The following ST3GAL1 variants were observed in gnomAD, a reference collection of about 807,000 sequenced individuals.
ST3GAL1 encodes CMP-N-acetylneuraminate-beta-galactosamide-alpha-2,3-sialyltransferase 1.
In ST3GAL1, 16 loss-of-function variants were observed where a neutral mutation model predicts 34.1. That is an observed-to-expected ratio of 0.47 (90% confidence interval 0.32 to 0.71). ST3GAL1 has a LOEUF of 0.71. Among genes scored for constraint, ST3GAL1 ranks in the 30% least tolerant of loss-of-function variants. ST3GAL1 has a pLI of 0.04. For missense variants in ST3GAL1, 353 were observed against 447.4 expected (o/e 0.79, Z 1.90); for synonymous variants, 191 against 184.7 (o/e 1.03, Z -0.28).
At chr8:133,477,377 A>G (rs1816219149) in intron 3 of ST3GAL1, among the ~76,000 whole-genome samples, 1 of 152,236 alleles carries the variant, frequency 6.6e-6, no homozygotes. Flanking sequence ...CTCTTCAGAT[A>G]ATCCTCAGAA....
At chr8:133,462,239 G>A (rs542807894) in intron 8 of ST3GAL1, among the ~76,000 whole-genome samples, 6 of 152,274 alleles carry the variant, frequency 3.9e-5, no homozygotes, top group South Asian at 2.1e-4. Flanking sequence ...CTACAGGACC[G>A]TGTGAGGAGG....
intron 2 of ST3GAL1, among the ~76,000 whole-genome samples, chr8:133,517,036 C>T (rs1191762239): frequency 6.6e-6 from 1 of 152,254 alleles, no homozygotes; most frequent in Non-Finnish European, 1.5e-5. Flanking sequence ...AGCTTCCTGC[C>T]CACTGGCATA....
intron 1 of ST3GAL1, among the ~76,000 whole-genome samples, chr8:133,553,632 G>T (rs1352301908): frequency 6.6e-6 from 1 of 152,164 alleles, no homozygotes; most frequent in African/African-American, 2.4e-5. Context: ...ATGTACACAG[G>T]AGCTCAGAAC....
intron 1 of ST3GAL1, among the ~76,000 whole-genome samples, chr8:133,563,365 C>T (rs1372354287): frequency 6.6e-6 from 1 of 152,088 alleles, no homozygotes; most frequent in Non-Finnish European, 1.5e-5. Flanking sequence ...TTTTATACTC[C>T]ATTAAGGGCT....
chr8:133,474,597 G>A (rs1189326641), intron 5 of ST3GAL1, among the ~76,000 whole-genome samples: 2 of 152,032 alleles, frequency 1.3e-5, no homozygotes, highest in Non-Finnish European at 1.5e-5. Flanking sequence ...TCGTCTCACT[G>A]CACCTCCCCT....
chr8:133,487,088 T>A (rs1035472179), intron 3 of ST3GAL1, among the ~76,000 whole-genome samples: 1 of 152,146 alleles, frequency 6.6e-6, no homozygotes, highest in Admixed American at 6.5e-5. Flanking sequence ...GGACTACAGA[T>A]GTGCACCATG....
At chr8:133,510,262 C>G (rs1032067091) in intron 2 of ST3GAL1, among the ~76,000 whole-genome samples, 2 of 152,138 alleles carry the variant, frequency 1.3e-5, no homozygotes, top group Non-Finnish European at 2.9e-5. Context: ...TGAACACCAG[C>G]TCCACTTCCC....
chr8:133,564,543 C>A (rs1819336648), intron 1 of ST3GAL1, among the ~76,000 whole-genome samples: 1 of 152,002 alleles, frequency 6.6e-6, no homozygotes, highest in African/African-American at 2.4e-5. Flanking sequence ...CACACACACA[C>A]ACACACACAC....
chr8:133,473,577 T>C (rs1816047272), intron 5 of ST3GAL1, among the ~76,000 whole-genome samples: 1 of 152,182 alleles, frequency 6.6e-6, no homozygotes, highest in Non-Finnish European at 1.5e-5. Context: ...ACAGGGGGAA[T>C]CAGATCCAGA....
chr8:133,485,133 TGA>T (rs34090170), intron 3 of ST3GAL1, among the ~76,000 whole-genome samples: 2,494 of 152,004 alleles, frequency 0.016, 69 homozygotes, highest in African/African-American at 0.057. Context: ...TCTACAGGAG[TGA>T]GAGTTTGTTC....
chr8:133,570,033 G>A lies in ST3GAL1; in HGVS notation c.-582+1660C>T, dbSNP rs1260327086. The A allele has an allele frequency of 6.6e-6, 1 of 152,338 alleles. No homozygotes were observed. The highest frequency in any genetic ancestry group is 1.5e-5 in the Non-Finnish European group (1 of 68,118). 9.4% of individuals were successfully genotyped at this position (152,338 alleles called of 1,614,324 possible). A position where few individuals can be genotyped will look rare whatever the true frequency, so the allele number is the denominator to read the frequency against. Reference sequence around the variant, plus strand: ...CCAGCACCTTCCACCTTGGGGCCTTGTCAATGAACACTGCGTTAGCACCTA... The same window carrying A: ...CCAGCACCTTCCACCTTGGGGCCTTATCAATGAACACTGCGTTAGCACCTA... On this transcript the variant is annotated intron_variant, in intron 1 of 9. Coordinates refer to ENST00000522652, the MANE Select transcript of ST3GAL1 (RefSeq NM_173344.3). This position sits in a 1 kb window ranked among gnomAD's most constrained non-coding sequence, Gnocchi z 5.6.
chr8:133,476,711 C>A (rs2130946609), intron 3 of ST3GAL1, 111 bp from the exon 4 acceptor site: 1 of 152,394 alleles, frequency 6.6e-6, no homozygotes, highest in South Asian at 2.1e-4. Flanking sequence ...CTTCTGGTGT[C>A]ATGCCAACCT....
chr8:133,562,856 T>TCTTTCTTTC (rs1563744763), intron 1 of ST3GAL1, among the ~76,000 whole-genome samples: 6 of 142,726 alleles, frequency 4.2e-5, no homozygotes, highest in African/African-American at 1.7e-4. Flanking sequence ...CTTTCTTTTT[T>TCTTTCTTTC]TTTTTTTTTT....
rs1028920933 is a variant in ST3GAL1, at chr8:133,497,663, G to C, written c.-374+1472C>G. Among the ~76,000 whole-genome samples the C allele has an allele frequency of 3.3e-5, 5 of 151,940 alleles. No homozygotes were observed. The East Asian group carries it at 9.7e-4, about 29-fold the overall frequency. On this transcript the variant is annotated intron_variant, in intron 3 of 9. Coordinates refer to ENST00000522652, the MANE Select transcript of ST3GAL1 (RefSeq NM_173344.3). The stretch of plus-strand genomic sequence containing the variant: ...AATTTTTGTATTTTTAGTAGAGATA[G>C]GGTTTCACCATGTTGGCCAGGCTGG...
At chr8:133,561,859 T>G (rs937488105) in intron 1 of ST3GAL1, among the ~76,000 whole-genome samples, 2 of 152,052 alleles carry the variant, frequency 1.3e-5, no homozygotes, top group African/African-American at 4.8e-5. Flanking sequence ...GAAGGGTGAT[T>G]GATGGGGACT....
intron 1 of ST3GAL1, among the ~76,000 whole-genome samples, chr8:133,569,205 TAAACAGC>T (rs1224876809): frequency 6.6e-6 from 1 of 152,170 alleles, no homozygotes; most frequent in African/African-American, 2.4e-5. Context: ...AATCAGACTC[TAAACAGC>T]AAATGCCGGC....
chr8:133,533,888 T>C (rs1356611), intron 2 of ST3GAL1, among the ~76,000 whole-genome samples: 152,014 of 152,368 alleles, frequency 1, 75,830 homozygotes, highest in Middle Eastern at 1. Context: ...ATGACATACG[T>C]TAATATGCAA....
chr8:133,493,003 A>C (rs886628716), intron 3 of ST3GAL1, among the ~76,000 whole-genome samples: 40 of 152,278 alleles, frequency 2.6e-4, no homozygotes, highest in African/African-American at 9.1e-4. Context: ...GGGAATGGCC[A>C]AACACCCTCA....
At chr8:133,491,160 G>A (rs1333661597) in intron 3 of ST3GAL1, among the ~76,000 whole-genome samples, 1 of 152,146 alleles carries the variant, frequency 6.6e-6, no homozygotes, top group African/African-American at 2.4e-5. Context: ...ACCAGGATTA[G>A]GGTCACATGA....
Sources: gnomAD v4.1 joint callset for allele counts (sites outside exome capture counted in the v4.1 genomes callset) on GRCh38, gnomAD v4.1.1 for gene constraint, Gnocchi (gnomAD v3.1) non-coding constraint, MANE v1.5 for transcripts, NCBI Gene and HGNC (gene_info 2026-07-23, HGNC 2026-07-21) for gene names.